The following ANKDD1B variants were observed in gnomAD, a reference collection of about 807,000 sequenced individuals.
The protein encoded by ANKDD1B is ankyrin repeat and death domain containing 1B.
A neutral mutation model predicts 59.7 loss-of-function variants in ANKDD1B; 57 were observed. The observed-to-expected ratio is 0.95, with a 90% CI of 0.77 to 1.19. The LOEUF (loss-of-function observed/expected upper bound fraction) is 1.19, where lower values mean the gene tolerates loss of function less well. Among genes scored for constraint, ANKDD1B ranks in the 50% most tolerant of loss-of-function variants. The pLI is 0.00. For missense variants in ANKDD1B, 602 were observed against 641.9 expected, an observed-to-expected ratio of 0.94 and a Z score of 0.67; for synonymous variants, 216 against 239.5, an observed-to-expected ratio of 0.90 and a Z score of 0.91.
chr5:75,634,312 TG>T (rs1372267016), intron 5 of ANKDD1B, among the ~76,000 whole-genome samples: 1 of 152,248 alleles, frequency 6.6e-6, no homozygotes, highest in Non-Finnish European at 1.5e-5. Flanking sequence ...CTCTGGGTAA[TG>T]CCTCATTTCT....
chr5:75,617,795 A>C (rs139436571), intron 2 of ANKDD1B, among the ~76,000 whole-genome samples: 1 of 152,308 alleles, frequency 6.6e-6, no homozygotes, highest in Non-Finnish European at 1.5e-5. Context: ...GGCTTTAAGG[A>C]AGACTCCCTA....
At position 75,634,889 on chromosome 5, in the gene ANKDD1B, G is replaced by A; in HGVS notation, c.601-9G>A. Reference sequence around the variant, plus strand: ...TAATAAATGCTTGAGGTTTGTGATTGATTTTTAGAAAGGAAGAAAACCATT... The same window carrying A: ...TAATAAATGCTTGAGGTTTGTGATTAATTTTTAGAAAGGAAGAAAACCATT... On this transcript the variant is annotated splice_polypyrimidine_tract_variant and intron_variant, in intron 5 of 13. Coordinates refer to ENST00000601380, the MANE Select transcript of ANKDD1B (RefSeq NM_001276713.2). The A allele has an allele frequency of 6.6e-7, 1 of 1,508,908 alleles. No individual in the cohort carries two copies. Among genetic ancestry groups the A allele is most frequent in the South Asian group, 1.2e-5 (1 of 83,518 alleles). 93.5% of individuals were successfully genotyped at this position (1,508,908 alleles called of 1,614,324 possible). A position where few individuals can be genotyped will look rare whatever the true frequency, so the allele number is the denominator to read the frequency against.
chr5:75,653,366 A>G (rs1774880189), intron 8 of ANKDD1B, 126 bp downstream of exon 8: 2 of 642,490 alleles, frequency 3.1e-6, no homozygotes, highest in East Asian at 2.8e-5. Context: ...CTTTCTGGGA[A>G]GGCTGGCTGA....
intron 5 of ANKDD1B, among the ~76,000 whole-genome samples, chr5:75,628,336 A>T (rs959427657): frequency 7.9e-5 from 12 of 152,178 alleles, no homozygotes; most frequent in African/African-American, 2.9e-4. Flanking sequence ...ACTTAATGCC[A>T]CTGAGCTATA....
intron 7 of ANKDD1B, among the ~76,000 whole-genome samples, chr5:75,644,844 G>A (rs1184773126): frequency 1.2e-5 from 1 of 84,212 alleles, no homozygotes; most frequent in Non-Finnish European, 1.9e-5. Flanking sequence ...CCACATAGTT[G>A]GAAGTAAAGC....
intron 5 of ANKDD1B, among the ~76,000 whole-genome samples, chr5:75,628,132 A>G (rs940238744): frequency 1.3e-5 from 2 of 152,198 alleles, no homozygotes; most frequent in African/African-American, 2.4e-5. Context: ...GAAAACACAG[A>G]AAAAATCTAC....
chr5:75,617,421 C>A, intron 2 of ANKDD1B, among the ~76,000 whole-genome samples: 1 of 152,182 alleles, frequency 6.6e-6, no homozygotes, highest in Admixed American at 6.5e-5. Flanking sequence ...TATCTAAAAC[C>A]TGGCTCTTAC....
At chr5:75,628,137 A>G (rs1265825693) in intron 5 of ANKDD1B, among the ~76,000 whole-genome samples, 1 of 152,180 alleles carries the variant, frequency 6.6e-6, no homozygotes, top group Non-Finnish European at 1.5e-5. Flanking sequence ...CACAGAAAAA[A>G]TCTACTTTTT....
At chr5:75,636,817 CA>C (rs1335947480) in intron 7 of ANKDD1B, among the ~76,000 whole-genome samples, 1 of 152,042 alleles carries the variant, frequency 6.6e-6, no homozygotes, top group Non-Finnish European at 1.5e-5. Context: ...TTTCTGCCCC[CA>C]GCTGTCTGGC....
chr5:75,623,074 C>A (rs1451125583), intron 3 of ANKDD1B, among the ~76,000 whole-genome samples: 1 of 152,044 alleles, frequency 6.6e-6, no homozygotes, highest in Non-Finnish European at 1.5e-5. Context: ...TCAAATATTT[C>A]TGGTGGTTTT....
chr5:75,633,709 G>A (rs1774225622), intron 5 of ANKDD1B, among the ~76,000 whole-genome samples: 1 of 152,132 alleles, frequency 6.6e-6, no homozygotes, highest in African/African-American at 2.4e-5. Flanking sequence ...TACATTTTCT[G>A]TGGATCTGTT....
Position 75,659,324 on chromosome 5 carries a change from T to G in ANKDD1B, c.1038T>G (p.Asn346Lys). ...TGCATGTAGCTGCTGATCGTGGAAA[T>G]GTGGAACTGGTGGAAACCCTGCTGA... ...TPLHVAADRG[N>K]VELVETLLKA... Residue 346 changes from asparagine to lysine, a missense_variant, in exon 10 of 14, where the codon AAT (asparagine) becomes AAG (lysine). Physicochemically the swap from Asn to Lys is moderately conservative, Grantham distance 94 (BLOSUM62 0). Coordinates refer to ENST00000601380, the MANE Select transcript of ANKDD1B (RefSeq NM_001276713.2). 6.5e-7 allele frequency: 1 copy of G among 1,536,136 alleles called. No individual in the cohort carries two copies. Among genetic ancestry groups the G allele is most frequent in the South Asian group, 1.2e-5 (1 of 84,066 alleles).
chr5:75,611,625 G>A lies in ANKDD1B; in HGVS notation c.-10G>A, dbSNP rs1327673400. ...GTCTGGCCCTGCGCTCAGGGCCCGC[G>A]GAGGAGACTATGGACCCCGCCGGGC... On this transcript the variant is annotated 5_prime_UTR_variant, in exon 1 of 14. Transcript: ENST00000601380. 2.4e-6 allele frequency: 3 copies of A among 1,230,990 alleles called. No homozygotes were observed. Among genetic ancestry groups the A allele is most frequent in the African/African-American group, 1.6e-5 (1 of 64,154 alleles). 76.3% of individuals were successfully genotyped at this position (1,230,990 alleles called of 1,614,324 possible). A position where few individuals can be genotyped will look rare whatever the true frequency, so the allele number is the denominator to read the frequency against.
At chr5:75,620,095 G>A (rs746279714) in intron 2 of ANKDD1B, among the ~76,000 whole-genome samples, 4 of 152,168 alleles carry the variant, frequency 2.6e-5, no homozygotes, top group Non-Finnish European at 4.4e-5. Context: ...CTTGCGGCGT[G>A]TCCTTCAGTG....
chr5:75,651,445 G>A (rs73763327), intron 7 of ANKDD1B, among the ~76,000 whole-genome samples: 1,996 of 152,322 alleles, frequency 0.013, 41 homozygotes, highest in African/African-American at 0.045. Context: ...CAGTGTGCCC[G>A]ACTCCTTGGG....
At chr5:75,669,199 A>G in intron 12 of ANKDD1B, 53 bp from the exon 13 acceptor site, 10 of 1,230,956 alleles carry the variant, frequency 8.1e-6, no homozygotes, top group Non-Finnish European at 1.0e-5. Context: ...ATCACAATGG[A>G]AAGAGATAGC....
rs948922713 is a variant in ANKDD1B at position 75,663,387 on chromosome 5, A to G, written c.1096-7A>G. On this transcript the variant is annotated splice_polypyrimidine_tract_variant and splice_region_variant and intron_variant, in intron 10 of 13. Coordinates refer to ENST00000601380, the MANE Select transcript of ANKDD1B (RefSeq NM_001276713.2). ...TCACCTGAATTTTTTTTCTTTTTTA[A>G]TTTTAGCAAGGAAAGACTGCCCTGG... The G allele has an allele frequency of 6.5e-6, 10 of 1,535,004 alleles. No homozygotes were observed. The highest frequency in any genetic ancestry group is 8.7e-6 in the Non-Finnish European group (10 of 1,146,318).
At chr5:75,621,151 T>A (rs549478026) in intron 3 of ANKDD1B, among the ~76,000 whole-genome samples, 1 of 152,134 alleles carries the variant, frequency 6.6e-6, no homozygotes, top group Non-Finnish European at 1.5e-5. Flanking sequence ...GCTTTGGGAG[T>A]GGGGCTTGGC....
chr5:75,629,808 C>T (rs538652598), intron 5 of ANKDD1B, among the ~76,000 whole-genome samples: 4 of 151,882 alleles, frequency 2.6e-5, no homozygotes, highest in African/African-American at 7.3e-5. Flanking sequence ...TATGGTGGTG[C>T]GCACCTGTGG....
Sources: allele counts gnomAD v4.1 joint callset (sites outside exome capture counted in the v4.1 genomes callset), GRCh38; gene constraint gnomAD v4.1.1; transcripts MANE v1.5; gene names NCBI Gene and HGNC (gene_info 2026-07-23, HGNC 2026-07-21).